MFAP3L: variants seen among roughly 807,000 people sequenced by gnomAD.
MFAP3L encodes microfibrillar-associated protein 3-like.
A neutral mutation model predicts 20.0 loss-of-function variants in MFAP3L; 5 were observed. The observed-to-expected ratio is 0.25, with a 90% confidence interval of 0.13 to 0.53. The LOEUF (loss-of-function observed/expected upper bound fraction) is 0.53. Among genes scored for constraint, MFAP3L ranks in the 20% least tolerant of loss-of-function variants. MFAP3L has a pLI of 0.96. For missense variants in MFAP3L, 409 were observed against 527.5 expected (o/e 0.78, Z 2.20); for synonymous variants, 219 against 213.0 (o/e 1.03, Z -0.25).
chr4:169,997,271 T>C (rs1338115050), intron 2 of MFAP3L, among the ~76,000 whole-genome samples: 1 of 152,156 alleles, frequency 6.6e-6, no homozygotes, highest in African/African-American at 2.4e-5. Context: ...AAATAGGAAG[T>C]CCTTTTTAAG....
Position 169,989,466 on chromosome 4 carries a change from C to T in MFAP3L, c.*1912G>A, listed in dbSNP as rs993006189. On this transcript the variant is annotated 3_prime_UTR_variant, in exon 3 of 3. Transcript: ENST00000361618. ...TGGCAAAAGTATCCAATTTCATGGA[C>T]CCATTTTTTGCTTGTCTCATGCAAC... 44 of 152,166 alleles carry T rather than the reference C, an allele frequency of 2.9e-4. No individual in the cohort carries two copies. The highest frequency in any genetic ancestry group is 1.0e-3 in the African/African-American group (43 of 41,434). 9.4% of individuals were successfully genotyped at this position (152,166 alleles called of 1,614,324 possible).
intron 1 of MFAP3L, among the ~76,000 whole-genome samples, chr4:170,015,833 C>G (rs1046190535): frequency 6.6e-6 from 1 of 152,154 alleles, no homozygotes; most frequent in African/African-American, 2.4e-5. Context: ...GGGTGGTGAA[C>G]TTAGTGCCTG....
Position 170,013,711 on chromosome 4 carries a change from G to A in MFAP3L, c.-133-7701C>T, listed in dbSNP as rs6853994. ...TCTAGCACTTGAAACATGCAGTGCAGGCTATTCTAATCACAGGTATATCAT... is the reference window on the plus strand; with the variant it reads ...TCTAGCACTTGAAACATGCAGTGCAAGCTATTCTAATCACAGGTATATCAT... On this transcript the variant is annotated intron_variant, in intron 1 of 2. Transcript: ENST00000361618. Among the ~76,000 whole-genome samples, 334 of 152,296 alleles carry A rather than the reference G, an allele frequency of 2.2e-3. 1 individual carries two copies. The highest frequency in any genetic ancestry group is 7.8e-3 in the African/African-American group (324 of 41,568).
At chr4:170,000,573 A>T (rs573003755) in intron 2 of MFAP3L, among the ~76,000 whole-genome samples, 2 of 152,354 alleles carry the variant, frequency 1.3e-5, no homozygotes, top group African/African-American at 4.8e-5. Flanking sequence ...TATTTCACAG[A>T]CAAGAAGACT....
In MFAP3L at chr4:169,991,166, A is replaced by T; in HGVS notation, c.*212T>A. ...CATAGACACCTTCTGTCTGGTATCA[A>T]TTCTGCACCCTGATGTTTCTCGCAC... On this transcript the variant is annotated 3_prime_UTR_variant, in exon 3 of 3. Transcript: ENST00000361618. The surrounding 1 kb of genome is among the most constrained non-coding windows in gnomAD (Gnocchi z 4.9). The T allele has an allele frequency of 1.7e-6, 1 of 593,070 alleles. No individual in the cohort carries two copies. The highest frequency in any genetic ancestry group is 3.0e-6 in the Non-Finnish European group (1 of 337,340). 36.7% of individuals were successfully genotyped at this position (593,070 alleles called of 1,614,324 possible).
rs188132412 is a variant in MFAP3L at position 170,011,988 on chromosome 4, A to G, written c.-133-5978T>C. On this transcript the variant is annotated intron_variant, in intron 1 of 2. Transcript: ENST00000361618. ...TGATGGCCAGGTGGTGTGTGCAAGA[A>G]CAGAGGAGGGGGAAGTAGGTTGGAA... Among the ~76,000 whole-genome samples, 16 of 152,336 alleles carry G rather than the reference A, an allele frequency of 1.1e-4. No individual in the cohort carries two copies. In the East Asian group the frequency reaches 2.9e-3, roughly 28 times the overall value.
At chr4:170,002,449 G>C (rs1049739467) in intron 2 of MFAP3L, among the ~76,000 whole-genome samples, 3 of 152,130 alleles carry the variant, frequency 2.0e-5, no homozygotes, top group African/African-American at 7.2e-5. Flanking sequence ...AATTTTGTTA[G>C]TTTGGTTCTA....
chr4:170,002,052 T>C (rs1012552493), intron 2 of MFAP3L: 3 of 985,484 alleles, frequency 3.0e-6, no homozygotes, highest in Non-Finnish European at 3.6e-6. Context: ...GACTCACCGA[T>C]GATTTTTGAA....
intron 2 of MFAP3L, chr4:169,994,179 G>T: frequency 1.0e-6 from 1 of 985,274 alleles, no homozygotes; most frequent in Non-Finnish European, 1.2e-6. Flanking sequence ...GGCTATGCTT[G>T]TAGTTTCTCA....
chr4:170,003,112 A>G (rs957740555), intron 2 of MFAP3L, among the ~76,000 whole-genome samples: 1 of 152,178 alleles, frequency 6.6e-6, no homozygotes, highest in Non-Finnish European at 1.5e-5. Flanking sequence ...CATGTTGCTT[A>G]TGCTCTGAAA....
upstream of MFAP3L, chr4:170,027,078 T>C (rs1730496213): frequency 6.6e-6 from 1 of 152,138 alleles, no homozygotes; most frequent in Non-Finnish European, 1.5e-5. Context: ...AAAAATATTA[T>C]TTGTAATTTC....
intron 2 of MFAP3L, among the ~76,000 whole-genome samples, chr4:169,998,735 A>G (rs889478766): frequency 6.6e-6 from 1 of 152,218 alleles, no homozygotes; most frequent in Non-Finnish European, 1.5e-5. Context: ...TGTATTAACG[A>G]TCCTGTTTAG....
intron 2 of MFAP3L, among the ~76,000 whole-genome samples, chr4:169,995,529 G>A (rs1025122069): frequency 3.3e-5 from 5 of 152,188 alleles, no homozygotes; most frequent in Non-Finnish European, 5.9e-5. Flanking sequence ...TCATGCTCAA[G>A]AAGAATCTCC....
chr4:170,022,956 G>A (rs1292796979), intron 1 of MFAP3L, among the ~76,000 whole-genome samples: 2 of 152,180 alleles, frequency 1.3e-5, no homozygotes, highest in Non-Finnish European at 2.9e-5. Context: ...ACCTCCCCAT[G>A]GCAAGACCCT....
Position 169,991,271 on chromosome 4 carries a change from A to G in MFAP3L, c.*107T>C. 1.7e-6 allele frequency: 2 copies of G among 1,197,166 alleles called. No homozygotes were observed. Among genetic ancestry groups the G allele is most frequent in the Non-Finnish European group, 2.3e-6 (2 of 853,588 alleles). The allele number at this position is 1,197,166 out of a possible 1,614,324, so 74.2% of individuals were successfully genotyped here. A position where few individuals can be genotyped will look rare whatever the true frequency, so the allele number is the denominator to read the frequency against. ...TTTAAAGTGGCATCACTCCTACCTA[A>G]GGGATGAGAGTCTCCTGGTAAGGCT... On this transcript the variant is annotated 3_prime_UTR_variant, in exon 3 of 3. Transcript: ENST00000361618. This position sits in a 1 kb window ranked among gnomAD's most constrained non-coding sequence, Gnocchi z 4.9.
intron 1 of MFAP3L, among the ~76,000 whole-genome samples, chr4:170,010,807 G>GA (rs756987722): frequency 4.7e-4 from 49 of 105,260 alleles, no homozygotes; most frequent in Middle Eastern, 4.5e-3. Flanking sequence ...CCACTGCATT[G>GA]CGGGGGGGTG....
At chr4:170,020,008 C>T (rs542000438) in intron 1 of MFAP3L, among the ~76,000 whole-genome samples, 3 of 152,208 alleles carry the variant, frequency 2.0e-5, no homozygotes, top group African/African-American at 7.2e-5. Context: ...TTTTATGTAT[C>T]TCTTACAAAG....
At position 170,025,402 on chromosome 4, in the gene MFAP3L, G is replaced by A. The variant is rs530517745; in HGVS notation, c.-134+832C>T. On this transcript the variant is annotated intron_variant, in intron 1 of 2. Transcript: ENST00000361618. ...ATAACGCAAAATAAAGATTGCCACA[G>A]TAACCAAACTTTTCTGCTAAGTATC... Among the ~76,000 whole-genome samples the A allele has an allele frequency of 2.0e-5, 3 of 152,298 alleles. No homozygotes were observed. In the South Asian group the frequency reaches 6.2e-4, roughly 32 times the overall value.
chr4:169,991,678 C>T lies in MFAP3L; in HGVS notation c.930G>A (p.Glu310=), dbSNP rs766313748. The part of the protein sequence containing the change: ...AADSDASSLH[E]QPQQIAIKVS... ...CCTTGATGGCAATTTGCTGAGGTTG[C>T]TCGTGCAGCGATGAGGCGTCCGAGT... is the stretch of plus-strand genomic sequence containing the variant. Residue 310 remains glutamate (E), a synonymous_variant, in exon 3 of 3, where the codon GAG becomes GAA. Coordinates refer to ENST00000361618, the MANE Select transcript of MFAP3L (RefSeq NM_021647.8). This position sits in a 1 kb window ranked among gnomAD's most constrained non-coding sequence, Gnocchi z 4.9. 14 of 1,614,192 alleles carry T rather than the reference C, an allele frequency of 8.7e-6. No individual in the cohort carries two copies. Among genetic ancestry groups the T allele is most frequent in the African/African-American group, 2.7e-5 (2 of 75,042 alleles).
Sources: gnomAD v4.1 joint callset for allele counts (sites outside exome capture counted in the v4.1 genomes callset) on GRCh38, gnomAD v4.1.1 for gene constraint, Gnocchi (gnomAD v3.1) non-coding constraint, MANE v1.5 for transcripts, NCBI Gene and HGNC (gene_info 2026-07-23, HGNC 2026-07-21) for gene names.